MRS2: variants seen among roughly 807,000 people sequenced by gnomAD.
MRS2 encodes the protein magnesium transporter MRS2 homolog, mitochondrial.
A neutral mutation model predicts 52.6 loss-of-function variants in MRS2; 40 were observed. The observed-to-expected ratio is 0.76, with a 90% CI of 0.59 to 0.99. The LOEUF (loss-of-function observed/expected upper bound fraction) is 0.99, where lower values mean the gene tolerates loss of function less well. Among genes scored for constraint, MRS2 ranks in the 50% least tolerant of loss-of-function variants. The pLI, the probability that MRS2 is intolerant of heterozygous loss-of-function variation, is 0.00. For missense variants in MRS2, 472 were observed against 532.7 expected (o/e 0.89, Z 1.12); for synonymous variants, 193 against 195.9 (o/e 0.98, Z 0.13).
At chr6:24,407,814 T>C (rs973876529) in intron 2 of MRS2, among the ~76,000 whole-genome samples, 8 of 152,152 alleles carry the variant, frequency 5.3e-5, no homozygotes, top group Admixed American at 2.0e-4. Flanking sequence ...AAGAAGTCTT[T>C]GCAGCCATCC....
chr6:24,418,257 AC>A (rs767655375), intron 8 of MRS2, 21 bp downstream of exon 8: 4 of 1,538,860 alleles, frequency 2.6e-6, no homozygotes, highest in Non-Finnish European at 3.5e-6. Flanking sequence ...ATTATATAAA[AC>A]TAAGTTTTTT....
In MRS2 at chr6:24,402,946, C is replaced by A; in HGVS notation, c.-101C>A. 8.9e-7 allele frequency: 1 copy of A among 1,125,782 alleles called. No homozygotes were observed. Among genetic ancestry groups the A allele is most frequent in the Non-Finnish European group, 1.2e-6 (1 of 804,098 alleles). The allele number at this position is 1,125,782 out of a possible 1,614,324, so 69.7% of individuals were successfully genotyped here. A position where few individuals can be genotyped will look rare whatever the true frequency, so the allele number is the denominator to read the frequency against. ...GCGCATGCCTGGTGCACAGAGTCTGCAGGTCGGGCGGTAGCGACAGGTCAG... is the reference window on the plus strand; with the variant it reads ...GCGCATGCCTGGTGCACAGAGTCTGAAGGTCGGGCGGTAGCGACAGGTCAG... On this transcript the variant is annotated 5_prime_UTR_variant, in exon 1 of 11. Transcript: ENST00000378386.
chr6:24,418,645 T>C (rs1761940301), intron 9 of MRS2, 67 bp downstream of exon 9: 8 of 1,248,990 alleles, frequency 6.4e-6, no homozygotes, highest in Middle Eastern at 1.9e-4. Context: ...ATGTCAGTAA[T>C]CCTAGCACTT....
chr6:24,421,155 C>T (rs1337791940), intron 9 of MRS2, among the ~76,000 whole-genome samples: 1 of 152,168 alleles, frequency 6.6e-6, no homozygotes. Flanking sequence ...ACTCAATCTA[C>T]AAGCTAACTC....
Position 24,405,030 on chromosome 6 carries a change from TTTC to T in MRS2, c.191-132_191-130del, listed in dbSNP as rs1761415388. On this transcript the variant is annotated intron_variant, in intron 1 of 10. Transcript: ENST00000378386. The stretch of plus-strand genomic sequence containing the variant: ...ACAGATGTTAAAATTAAGAAGAGTA[TTTC>T]TTCTTTTCTTATAGGAAAAATATTT... 5.2e-6 allele frequency: 3 copies of T among 577,014 alleles called. No homozygotes were observed. The South Asian group carries it at 7.0e-5, about 13-fold the overall frequency. The allele number at this position is 577,014 out of a possible 1,614,324, so 35.7% of individuals were successfully genotyped here.
chr6:24,403,440 C>T (rs953252640), intron 1 of MRS2, among the ~76,000 whole-genome samples: 2 of 152,220 alleles, frequency 1.3e-5, no homozygotes, highest in African/African-American at 4.8e-5. Context: ...GTGCGCTGTG[C>T]CCTGCCGGGG....
intron 3 of MRS2, 51 bp downstream of exon 3, chr6:24,408,495 T>C (rs1761548699): frequency 8.1e-7 from 1 of 1,234,674 alleles, no homozygotes; most frequent in Non-Finnish European, 1.2e-6. Context: ...TGAGTGAATC[T>C]GATAGAAATC....
intron 7 of MRS2, 93 bp downstream of exon 7, chr6:24,416,606 T>C (rs2127293735): frequency 5.3e-6 from 4 of 757,746 alleles, no homozygotes; most frequent in East Asian, 2.5e-5. Flanking sequence ...GAATGTAACA[T>C]TTTTCTGGAC....
At position 24,426,159 on chromosome 6, in the gene MRS2, A is replaced by G. The variant is rs1177344446; in HGVS notation, c.*2465A>G. 1 of 152,254 alleles carries G rather than the reference A, an allele frequency of 6.6e-6. No homozygotes were observed. The highest frequency in any genetic ancestry group is 6.5e-5 in the Admixed American group (1 of 15,288). 9.4% of individuals were successfully genotyped at this position (152,254 alleles called of 1,614,324 possible). A position where few individuals can be genotyped will look rare whatever the true frequency, so the allele number is the denominator to read the frequency against. ...AATGCAAATATGTAAATGTCTTCTG[A>G]TATCTTGAAATAAAGATAAATTTCA... is the stretch of plus-strand genomic sequence containing the variant. On this transcript the variant is annotated 3_prime_UTR_variant, in exon 11 of 11. Transcript: ENST00000378386.
intron 6 of MRS2, 150 bp downstream of exon 6, chr6:24,415,313 A>G (rs968285033): frequency 1.4e-6 from 1 of 707,338 alleles, no homozygotes; most frequent in African/African-American, 1.8e-5. Context: ...CTGTTTGTTG[A>G]AAAGATACTT....
chr6:24,405,789 CAA>C (rs529617637), intron 2 of MRS2, among the ~76,000 whole-genome samples: 1,393 of 109,882 alleles, frequency 0.013, 9 homozygotes, highest in South Asian at 0.023. Context: ...TTTTTTTTTC[CAA>C]AAAAAAAAAA....
At chr6:24,422,147 TCAA>T (rs139969002) in intron 9 of MRS2, among the ~76,000 whole-genome samples, 29 of 117,808 alleles carry the variant, frequency 2.5e-4, no homozygotes, top group African/African-American at 4.9e-4. Context: ...AGACTCCATC[TCAA>T]CAACAACAAA....
chr6:24,414,679 G>T (rs995383973), intron 5 of MRS2, among the ~76,000 whole-genome samples: 4 of 152,228 alleles, frequency 2.6e-5, no homozygotes, highest in African/African-American at 9.6e-5. Context: ...CTCCCAGACG[G>T]GGTGGCGGCT....
rs1762226003 is a variant in MRS2 at position 24,426,020 on chromosome 6, C to T, written c.*2326C>T. On this transcript the variant is annotated 3_prime_UTR_variant, in exon 11 of 11. Transcript: ENST00000378386. Reference sequence around the variant, plus strand: ...CAGAGACCCTAGTTTTGTCCCCACTCCATCTTCAAATAATTTTGGTCTCTT... The same window carrying T: ...CAGAGACCCTAGTTTTGTCCCCACTTCATCTTCAAATAATTTTGGTCTCTT... 6.6e-6 allele frequency: 1 copy of T among 152,176 alleles called. No homozygotes were observed. Among genetic ancestry groups the T allele is most frequent in the South Asian group, 2.1e-4 (1 of 4,826 alleles). 9.4% of individuals were successfully genotyped at this position (152,176 alleles called of 1,614,324 possible).
At position 24,403,169 on chromosome 6, in the gene MRS2, C is replaced by T; in HGVS notation, c.123C>T (p.Arg41=). 2 of 1,608,312 alleles carry T rather than the reference C, an allele frequency of 1.2e-6. No homozygotes were observed. Among genetic ancestry groups the T allele is most frequent in the Non-Finnish European group, 1.7e-6 (2 of 1,179,844 alleles). The change falls in exon 1 of 11, where the codon CGC becomes CGT. Residue 41 remains arginine (R), a synonymous_variant. Transcript: ENST00000378386. Reference sequence around the variant, plus strand: ...GTCCTCCCGTTGCTGCCTGCGGCCGCCGAGCCAACCTGATTGGAAGGAGCC... The same window carrying T: ...GTCCTCCCGTTGCTGCCTGCGGCCGTCGAGCCAACCTGATTGGAAGGAGCC... ...SVGPPVAACG[R]RANLIGRSRA...
Position 24,412,302 on chromosome 6 carries a change from G to T in MRS2, c.495G>T (p.Arg165=), listed in dbSNP as rs61733147. ...TAAACTTAGAGCAATGGCTGTTCCG[G>T]GAACTCCCTTCACAGTTGTCTGGAG... ...RNLNLEQWLF[R]ELPSQLSGEG... The change falls in exon 5 of 11, where the codon CGG becomes CGT. Residue 165 remains arginine, a synonymous_variant. Transcript: ENST00000378386. 29,965 of 1,604,906 alleles carry T rather than the reference G, an allele frequency of 0.019. 1,257 individuals carry two copies. Among genetic ancestry groups the T allele is most frequent in the East Asian group, 0.14 (6,182 of 44,210 alleles).
At chr6:24,405,820 TGCCG>T (rs1359777072) in intron 2 of MRS2, among the ~76,000 whole-genome samples, 1 of 146,910 alleles carries the variant, frequency 6.8e-6, no homozygotes, top group African/African-American at 2.5e-5. Flanking sequence ...TAAAAAGGTG[TGCCG>T]GCCGGGCGTG....
intron 5 of MRS2, among the ~76,000 whole-genome samples, chr6:24,413,927 C>T (rs1228508173): frequency 6.6e-6 from 1 of 152,218 alleles, no homozygotes; most frequent in African/African-American, 2.4e-5. Flanking sequence ...TCAAACCATA[C>T]TTGTGTTAAC....
intron 5 of MRS2, among the ~76,000 whole-genome samples, chr6:24,412,696 G>A (rs919902912): frequency 6.6e-5 from 10 of 152,110 alleles, no homozygotes; most frequent in African/African-American, 2.4e-4. Context: ...GTTTGAGCCA[G>A]GTAAATGATG....
Sources: allele counts gnomAD v4.1 joint callset (sites outside exome capture counted in the v4.1 genomes callset), GRCh38; gene constraint gnomAD v4.1.1; transcripts MANE v1.5; gene names NCBI Gene and HGNC (gene_info 2026-07-23, HGNC 2026-07-21).